The following SLC9A9 variants were observed in gnomAD, a reference collection of about 807,000 sequenced individuals.
The protein encoded by SLC9A9 is solute carrier family 9 member A9.
SLC9A9 carries 62 observed loss-of-function variants against 77.8 expected under a neutral mutation model. The ratio of observed to expected loss-of-function variants is 0.80; its 90% CI spans 0.65 to 0.98. The LOEUF is 0.98. Among genes scored for constraint, SLC9A9 ranks in the 50% least tolerant of loss-of-function variants. SLC9A9 has a pLI of 0.00. For synonymous variants in SLC9A9, 320 were observed against 283.5 expected (o/e 1.13, Z -1.29); for missense variants, 775 against 774.9 (o/e 1.00, Z 0.00).
At chr3:143,663,786 G>T (rs1401953663) in intron 5 of SLC9A9, among the ~76,000 whole-genome samples, 1 of 152,118 alleles carries the variant, frequency 6.6e-6, no homozygotes, top group African/African-American at 2.4e-5. Flanking sequence ...AAAAAGAAAT[G>T]AACAAAGCCT....
Position 143,832,132 on chromosome 3 carries a change from T to C in SLC9A9, c.265A>G (p.Ser89Gly), listed in dbSNP as rs1220964098. 6.2e-7 allele frequency: 1 copy of C among 1,613,384 alleles called. No homozygotes were observed. The highest frequency in any genetic ancestry group is 2.2e-5 in the East Asian group (1 of 44,788). Residue 89 changes from serine to glycine, a missense_variant, in exon 2 of 16, where the codon AGT (serine) becomes GGT (glycine). Ser to Gly is a moderately conservative substitution (Grantham distance 56). Coordinates refer to ENST00000316549, the MANE Select transcript of SLC9A9 (RefSeq NM_173653.4). ...ATATTAACCAGCAGAGTTGATGGACTGAAAGTTAGTTTTACACAGTCATAG... is the reference window on the plus strand; with the variant it reads ...ATATTAACCAGCAGAGTTGATGGACCGAAAGTTAGTTTTACACAGTCATAG... ...TVYDCVKLTFSPSTLLVNITD... is the reference protein window; with the variant it reads ...TVYDCVKLTFGPSTLLVNITD...
intron 6 of SLC9A9, among the ~76,000 whole-genome samples, chr3:143,650,050 G>A (rs894603373): frequency 4.6e-5 from 7 of 152,186 alleles, no homozygotes; most frequent in South Asian, 2.1e-4. Flanking sequence ...GGTTCCCAAA[G>A]AAGGAGACTG....
At chr3:143,407,295 T>G (rs930940642) in intron 12 of SLC9A9, among the ~76,000 whole-genome samples, 1 of 152,104 alleles carries the variant, frequency 6.6e-6, no homozygotes, top group African/African-American at 2.4e-5. Flanking sequence ...AGAAGACAAA[T>G]GCAAAGATAC....
chr3:143,727,499 G>A (rs1934685090), intron 4 of SLC9A9, among the ~76,000 whole-genome samples: 1 of 152,064 alleles, frequency 6.6e-6, no homozygotes, highest in South Asian at 2.1e-4. Flanking sequence ...TAGCCTATGA[G>A]AACCAAAATT....
At chr3:143,578,484 C>T (rs143746570) in intron 7 of SLC9A9, 101 bp downstream of exon 7, 5 of 1,571,104 alleles carry the variant, frequency 3.2e-6, no homozygotes, top group African/African-American at 1.3e-5. Flanking sequence ...ACCAGACTAT[C>T]TAGCCTTTTA....
intron 1 of SLC9A9, among the ~76,000 whole-genome samples, chr3:143,838,036 G>A (rs967075678): frequency 4.1e-5 from 2 of 48,884 alleles, no homozygotes; most frequent in Non-Finnish European, 3.3e-4. Context: ...TTCCAGTTAT[G>A]GGAGATAATA....
chr3:143,797,476 A>T (rs978799688), intron 2 of SLC9A9, among the ~76,000 whole-genome samples: 4 of 152,222 alleles, frequency 2.6e-5, no homozygotes, highest in Admixed American at 1.3e-4. Context: ...CTAAGCCATC[A>T]TATCCCCTGT....
chr3:143,280,915 T>C (rs777507552), intron 14 of SLC9A9, among the ~76,000 whole-genome samples: 12 of 152,200 alleles, frequency 7.9e-5, no homozygotes, highest in Non-Finnish European at 1.2e-4. Context: ...CACACACATA[T>C]AACTCTAAAA....
intron 9 of SLC9A9, chr3:143,517,961 T>C (rs1260757481): frequency 2.1e-6 from 3 of 1,460,936 alleles, no homozygotes; most frequent in Non-Finnish European, 2.9e-6. Flanking sequence ...AGTGTCTGGT[T>C]CAATCACACC....
chr3:143,825,722 G>A (rs2009279686), intron 2 of SLC9A9, among the ~76,000 whole-genome samples: 1 of 152,184 alleles, frequency 6.6e-6, no homozygotes, highest in African/African-American at 2.4e-5. Flanking sequence ...TGAAGACTTG[G>A]CAAAATTTTC....
intron 4 of SLC9A9, among the ~76,000 whole-genome samples, chr3:143,718,255 A>C (rs554337638): frequency 1.3e-5 from 2 of 152,288 alleles, no homozygotes; most frequent in Admixed American, 1.3e-4. Flanking sequence ...TGGATGTGCA[A>C]ACTCACCTAC....
At chr3:143,644,549 A>T (rs189062540) in intron 6 of SLC9A9, among the ~76,000 whole-genome samples, 1 of 152,348 alleles carries the variant, frequency 6.6e-6, no homozygotes, top group African/African-American at 2.4e-5. Context: ...AGAGAAAAAC[A>T]AACAAGACAG....
At chr3:143,536,535 C>T (rs1296869859) in intron 9 of SLC9A9, among the ~76,000 whole-genome samples, 1 of 152,180 alleles carries the variant, frequency 6.6e-6, no homozygotes, top group Admixed American at 6.5e-5. Flanking sequence ...GCTGCGATTA[C>T]TACAATGAAT....
chr3:143,825,607 A>G (rs2009276986), intron 2 of SLC9A9, among the ~76,000 whole-genome samples: 1 of 152,182 alleles, frequency 6.6e-6, no homozygotes, highest in South Asian at 2.1e-4. Context: ...CAGCTTGGCA[A>G]TTCTCTTTAT....
chr3:143,461,185 G>T (rs1033655941), intron 12 of SLC9A9, among the ~76,000 whole-genome samples: 2 of 152,150 alleles, frequency 1.3e-5, no homozygotes, highest in Non-Finnish European at 2.9e-5. Flanking sequence ...ATAGAAGCAT[G>T]TTTTAGAAAG....
chr3:143,273,839 A>T (rs934450193), intron 14 of SLC9A9, among the ~76,000 whole-genome samples: 1 of 152,244 alleles, frequency 6.6e-6, no homozygotes, highest in African/African-American at 2.4e-5. Flanking sequence ...GTGACTGATC[A>T]AGTGAATTTG....
chr3:143,691,900 T>G (rs1933481558), intron 5 of SLC9A9, among the ~76,000 whole-genome samples: 1 of 152,144 alleles, frequency 6.6e-6, no homozygotes, highest in South Asian at 2.1e-4. Context: ...AACTATAGGT[T>G]GTGTTCTGGT....
intron 2 of SLC9A9, among the ~76,000 whole-genome samples, chr3:143,827,604 CA>C (rs2009332687): frequency 6.6e-6 from 1 of 152,138 alleles, no homozygotes; most frequent in Non-Finnish European, 1.5e-5. Flanking sequence ...ACAGAGCCAT[CA>C]AACCAGTTCT....
intron 9 of SLC9A9, among the ~76,000 whole-genome samples, chr3:143,540,587 A>C (rs944573103): frequency 2.0e-5 from 3 of 152,332 alleles, no homozygotes; most frequent in East Asian, 3.9e-4. Context: ...ATAAATTGAA[A>C]ATGATCAGGA....
Sources: gnomAD v4.1 joint callset for allele counts (sites outside exome capture counted in the v4.1 genomes callset) on GRCh38, gnomAD v4.1.1 for gene constraint, MANE v1.5 for transcripts, NCBI Gene and HGNC (gene_info 2026-07-23, HGNC 2026-07-21) for gene names.